Variants in SCFD2 observed in about 807,000 individuals in gnomAD.
SCFD2 encodes sec1 family domain-containing protein 2.
Under a neutral mutation model 58.9 loss-of-function variants are expected in SCFD2, and 54 were observed. The ratio of observed to expected loss-of-function variants is 0.92; its 90% CI spans 0.74 to 1.15. The LOEUF is 1.15. SCFD2 is among the 50% of genes most tolerant of loss of function. The pLI, the probability that SCFD2 is intolerant of heterozygous loss-of-function variation, is 0.00. For missense variants in SCFD2, 805 were observed against 836.6 expected (o/e 0.96, Z 0.47); for synonymous variants, 321 against 335.9 (o/e 0.96, Z 0.49).
At chr4:53,349,630 A>C (rs1734155972) in intron 2 of SCFD2, among the ~76,000 whole-genome samples, 1 of 152,236 alleles carries the variant, frequency 6.6e-6, no homozygotes, top group African/African-American at 2.4e-5. Flanking sequence ...TGAGATTCCA[A>C]GATTGGCTTA....
intron 5 of SCFD2, among the ~76,000 whole-genome samples, chr4:53,053,340 T>C (rs1179040332): frequency 6.6e-6 from 1 of 152,086 alleles, no homozygotes; most frequent in Non-Finnish European, 1.5e-5. Context: ...CTGGGAATAT[T>C]GTATATGCAC....
chr4:53,070,123 A>G (rs553107312), intron 5 of SCFD2, among the ~76,000 whole-genome samples: 342 of 152,184 alleles, frequency 2.2e-3, no homozygotes, highest in Non-Finnish European at 3.9e-3. Context: ...TATAGCTACA[A>G]ATTTCTGCAT....
chr4:53,343,590 C>T (rs1305097874), intron 2 of SCFD2, among the ~76,000 whole-genome samples: 1 of 152,220 alleles, frequency 6.6e-6, no homozygotes. Flanking sequence ...GGAATCCTCC[C>T]TCACTCATTT....
chr4:52,999,682 T>A (rs999180890), intron 5 of SCFD2, among the ~76,000 whole-genome samples: 4 of 152,200 alleles, frequency 2.6e-5, no homozygotes, highest in African/African-American at 9.7e-5. Context: ...GACATTCTCG[T>A]CCATTTGACT....
intron 3 of SCFD2, among the ~76,000 whole-genome samples, chr4:53,298,624 T>A (rs1295030374): frequency 6.6e-6 from 1 of 152,128 alleles, no homozygotes; most frequent in Admixed American, 6.5e-5. Flanking sequence ...CAGCTTGAGA[T>A]CTGAGAAAGG....
chr4:53,308,209 C>T (rs889575230), intron 3 of SCFD2, among the ~76,000 whole-genome samples: 2 of 152,162 alleles, frequency 1.3e-5, no homozygotes, highest in African/African-American at 4.8e-5. Context: ...CTATGCAAAA[C>T]TTCTTTTATA....
At chr4:53,356,020 G>T (rs1285649234) in intron 1 of SCFD2, among the ~76,000 whole-genome samples, 1 of 152,194 alleles carries the variant, frequency 6.6e-6, no homozygotes. Context: ...TCATAAAATT[G>T]CAGTCAATAT....
intron 8 of SCFD2, among the ~76,000 whole-genome samples, chr4:52,881,028 T>C (rs546857112): frequency 2.0e-5 from 3 of 152,374 alleles, no homozygotes; most frequent in African/African-American, 4.8e-5. Context: ...GAGGTTGCCC[T>C]CTTGATCCCT....
At chr4:53,092,276 C>T (rs975068370) in intron 5 of SCFD2, among the ~76,000 whole-genome samples, 2 of 151,960 alleles carry the variant, frequency 1.3e-5, no homozygotes, top group African/African-American at 4.8e-5. Flanking sequence ...CATAACAGGT[C>T]GTATTTTTTA....
chr4:52,931,448 C>G (rs1454450814), intron 5 of SCFD2, among the ~76,000 whole-genome samples: 2 of 152,210 alleles, frequency 1.3e-5, no homozygotes, highest in Non-Finnish European at 2.9e-5. Flanking sequence ...GTTATCACAA[C>G]ATGCCCATGA....
chr4:53,115,788 A>G (rs1725302042), intron 5 of SCFD2, among the ~76,000 whole-genome samples: 1 of 152,200 alleles, frequency 6.6e-6, no homozygotes, highest in Non-Finnish European at 1.5e-5. Context: ...TCTCTTCAAT[A>G]GATTTAGAAA....
chr4:53,139,316 T>C (rs1167912738), intron 5 of SCFD2, among the ~76,000 whole-genome samples: 1 of 148,998 alleles, frequency 6.7e-6, no homozygotes. Context: ...GTGAGGAGCG[T>C]CTCTGCCCGG....
At chr4:53,214,747 T>C (rs1290374519) in intron 4 of SCFD2, among the ~76,000 whole-genome samples, 2 of 152,178 alleles carry the variant, frequency 1.3e-5, no homozygotes, top group Non-Finnish European at 2.9e-5. Context: ...CCTTGAATGG[T>C]ATTGCCTAGG....
At chr4:53,106,304 C>T (rs1005561550) in intron 5 of SCFD2, among the ~76,000 whole-genome samples, 8 of 152,190 alleles carry the variant, frequency 5.3e-5, no homozygotes, top group African/African-American at 1.9e-4. Context: ...AAAACCAGGA[C>T]ACCTCTTCTC....
At chr4:52,926,830 C>T (rs539889053) in intron 5 of SCFD2, among the ~76,000 whole-genome samples, 1 of 152,290 alleles carries the variant, frequency 6.6e-6, no homozygotes, top group Non-Finnish European at 1.5e-5. Context: ...GGGCAGAGCA[C>T]TGGGGGTCAT....
rs553742104 is a variant in SCFD2 at position 53,178,852 on chromosome 4, G to A, written c.1312-33270C>T. Among the ~76,000 whole-genome samples, 12 of 152,310 alleles carry A rather than the reference G, an allele frequency of 7.9e-5. No homozygotes were observed. In the South Asian group the frequency reaches 8.3e-4, roughly 11 times the overall value. The stretch of plus-strand genomic sequence containing the variant: ...AAGGCACGAGAGCTACGTGATGAAC[G>A]CAGAAAGCCTCAGTAGCCGATGCGA... On this transcript the variant is annotated intron_variant, in intron 4 of 8. Coordinates refer to ENST00000401642, the MANE Select transcript of SCFD2 (RefSeq NM_152540.4).
At position 53,142,467 on chromosome 4, in the gene SCFD2, C is replaced by T. The variant is rs78708880; in HGVS notation, c.1561+2866G>A. Among the ~76,000 whole-genome samples, 9 of 152,272 alleles carry T rather than the reference C, an allele frequency of 5.9e-5. No homozygotes were observed. The East Asian group carries it at 1.2e-3, about 20-fold the overall frequency. On this transcript the variant is annotated intron_variant, in intron 5 of 8. Transcript: ENST00000401642. ...CCACTCAGTAACAAGAAAGCCAAAA[C>T]TGTACATCGGAATAACATGAGTGCA...
intron 4 of SCFD2, among the ~76,000 whole-genome samples, chr4:53,173,339 C>A (rs75891564): frequency 2.7e-3 from 407 of 152,194 alleles, no homozygotes; most frequent in African/African-American, 9.3e-3. Context: ...TGCTTTTGCA[C>A]CCTGATAAAG....
rs373672480 is a variant in SCFD2, at chr4:53,312,014, G to A, written c.1135+1622C>T. ...TGAGGTAAATACACTTGTTACTAATGTGTACCTAGGGCTATGGAAAGGAAA... is the reference window on the plus strand; with the variant it reads ...TGAGGTAAATACACTTGTTACTAATATGTACCTAGGGCTATGGAAAGGAAA... On this transcript the variant is annotated intron_variant, in intron 3 of 8. Transcript: ENST00000401642. 3.3e-5 allele frequency among the ~76,000 whole-genome samples: 5 copies of A among 152,204 alleles called. No individual in the cohort carries two copies. In the East Asian group the frequency reaches 5.8e-4, roughly 18 times the overall value.
Sources: gnomAD v4.1 joint callset for allele counts (sites outside exome capture counted in the v4.1 genomes callset) on GRCh38, gnomAD v4.1.1 for gene constraint, MANE v1.5 for transcripts, NCBI Gene and HGNC (gene_info 2026-07-23, HGNC 2026-07-21) for gene names.